Variants in ARHGEF26 observed in about 807,000 individuals in gnomAD.
The protein encoded by ARHGEF26 is Rho guanine nucleotide exchange factor (GEF) 26.
ARHGEF26 carries 59 observed loss-of-function variants against 89.4 expected under a neutral mutation model. The observed-to-expected ratio is 0.66, with a 90% CI of 0.54 to 0.82. The LOEUF is 0.82. ARHGEF26 is among the 40% of genes least tolerant of loss of function. The pLI is 0.00. For synonymous variants in ARHGEF26, 500 were observed against 428.4 expected, an observed-to-expected ratio of 1.17 and a Z score of -2.06; for missense variants, 1,234 against 1,085.6, an observed-to-expected ratio of 1.14 and a Z score of -1.92.
chr3:154,127,600 ATTTTT>A (rs59102588), intron 3 of ARHGEF26, among the ~76,000 whole-genome samples: 9 of 139,746 alleles, frequency 6.4e-5, no homozygotes, highest in Non-Finnish European at 1.2e-4. Flanking sequence ...ACAGTTAACT[ATTTTT>A]TTTTTTTTTT....
intron 6 of ARHGEF26, among the ~76,000 whole-genome samples, chr3:154,153,158 C>T (rs913753610): frequency 1.3e-5 from 2 of 152,024 alleles, no homozygotes; most frequent in South Asian, 2.1e-4. Context: ...TTATGTTATT[C>T]CTCTTTCCCC....
chr3:154,208,886 C>T (rs932284691), intron 9 of ARHGEF26, among the ~76,000 whole-genome samples: 2 of 151,766 alleles, frequency 1.3e-5, no homozygotes, highest in Non-Finnish European at 2.9e-5. Context: ...ATGCCTCAGC[C>T]TCCCAGGTAG....
intron 9 of ARHGEF26, among the ~76,000 whole-genome samples, chr3:154,197,195 A>G (rs1411453660): frequency 6.6e-6 from 1 of 152,164 alleles, no homozygotes; most frequent in South Asian, 2.1e-4. Flanking sequence ...CTTTCTCTCT[A>G]TTGAGCATGA....
intron 6 of ARHGEF26, among the ~76,000 whole-genome samples, chr3:154,171,590 T>A (rs976556100): frequency 2.0e-5 from 3 of 152,194 alleles, no homozygotes; most frequent in Admixed American, 2.0e-4. Flanking sequence ...TTTTGCCTTT[T>A]CTAATGCTGT....
intron 4 of ARHGEF26, among the ~76,000 whole-genome samples, chr3:154,147,967 C>T (rs1719797827): frequency 6.6e-6 from 1 of 152,186 alleles, no homozygotes; most frequent in African/African-American, 2.4e-5. Flanking sequence ...CCACCTTGAT[C>T]AGTCTCTGAA....
intron 5 of ARHGEF26, among the ~76,000 whole-genome samples, chr3:154,152,053 T>A (rs899627922): frequency 2.6e-5 from 4 of 152,200 alleles, no homozygotes; most frequent in Admixed American, 2.6e-4. Context: ...TTAACAGTTA[T>A]CAGGAAAACC....
chr3:154,217,955 T>G lies in ARHGEF26; in HGVS notation c.1932T>G (p.Ile644Met), dbSNP rs750943264. The change falls in exon 10 of 15, where the codon ATT becomes ATG. Residue 644 changes from isoleucine (I) to methionine (M), a missense_variant. Physicochemically the swap from Ile to Met is conservative, Grantham distance 10 (BLOSUM62 1). Transcript: ENST00000465093. ...YTINSQLEFK[I>M]KPFPLVSSSR... ...TTAACTCCCAGCTGGAATTTAAAAT[T>G]AAGGTATTCTCGTACCTTGTTCATT... 1 of 1,581,668 alleles carries G rather than the reference T, an allele frequency of 6.3e-7. No individual in the cohort carries two copies. The highest frequency in any genetic ancestry group is 8.6e-7 in the Non-Finnish European group (1 of 1,162,586).
Position 154,232,890 on chromosome 3 carries a change from T to A in ARHGEF26, c.2090+6880T>A, listed in dbSNP as rs1353944302. Among the ~76,000 whole-genome samples the A allele has an allele frequency of 3.3e-5, 5 of 151,936 alleles. No homozygotes were observed. The South Asian group carries it at 1.0e-3, about 32-fold the overall frequency. On this transcript the variant is annotated intron_variant, in intron 11 of 14. Transcript: ENST00000465093. ...TCACCCAGGCTGGAGTGCAGTGGCA[T>A]GATCTCGGCTCACTGCAACCTCCAA...
intron 13 of ARHGEF26, among the ~76,000 whole-genome samples, chr3:154,253,985 A>G (rs813401): frequency 6.6e-6 from 1 of 152,294 alleles, no homozygotes; most frequent in South Asian, 2.1e-4. Context: ...GTGCTATCTC[A>G]GCTCACTGCA....
intron 1 of ARHGEF26, among the ~76,000 whole-genome samples, 189 bp from the exon 2 acceptor site, chr3:154,121,753 C>A (rs544423824): frequency 1.3e-5 from 2 of 152,180 alleles, no homozygotes; most frequent in Non-Finnish European, 2.9e-5. Context: ...TCCGCCTGGG[C>A]GGCAGCCCAG....
At chr3:154,175,134 C>A (rs1444501672) in intron 6 of ARHGEF26, among the ~76,000 whole-genome samples, 1 of 152,158 alleles carries the variant, frequency 6.6e-6, no homozygotes, top group African/African-American at 2.4e-5. Flanking sequence ...TTTTGAAAGT[C>A]TAAGAAAATG....
chr3:154,235,403 G>T (rs1576813203), intron 11 of ARHGEF26, among the ~76,000 whole-genome samples: 1 of 151,864 alleles, frequency 6.6e-6, no homozygotes, highest in African/African-American at 2.4e-5. Context: ...ATTCTAACTG[G>T]GTGTTATTCA....
At chr3:154,124,372 C>CTTTTTTTTTTTTTTTTTTTTTCTT in intron 2 of ARHGEF26, 38 bp from the exon 3 acceptor site, 1 of 1,007,768 alleles carries the variant, frequency 9.9e-7, no homozygotes, top group Non-Finnish European at 1.3e-6. Flanking sequence ...TTTGCTTTTC[C>CTTTTTTTTTTTTTTTTTTTTTCTT]TTTTTTTTTT....
intron 6 of ARHGEF26, among the ~76,000 whole-genome samples, chr3:154,157,695 CT>C (rs1204397135): frequency 6.6e-6 from 1 of 151,934 alleles, no homozygotes; most frequent in African/African-American, 2.4e-5. Context: ...CGGGGTCCTC[CT>C]AGGTTTGCCT....
intron 6 of ARHGEF26, among the ~76,000 whole-genome samples, chr3:154,159,788 A>G (rs560108920): frequency 1.4e-4 from 21 of 152,290 alleles, no homozygotes; most frequent in African/African-American, 3.8e-4. Context: ...AAAGTCTTTT[A>G]TAGTATGAAT....
In ARHGEF26 at chr3:154,122,976, C is replaced by T. The variant is rs1377719546; in HGVS notation, c.984C>T (p.Asp328=). 4 of 1,613,770 alleles carry T rather than the reference C, an allele frequency of 2.5e-6. No homozygotes were observed. Among genetic ancestry groups the T allele is most frequent in the Admixed American group, 1.7e-5 (1 of 59,982 alleles). ...CAGTGGTCAGTGGCTTTGATTTTGA[C>T]AGTCCTACCAGCTCGAAGAAGAAGA... ...RRAVVSGFDF[D]SPTSSKKKNR... The change falls in exon 2 of 15, where the codon GAC becomes GAT. Residue 328 remains aspartate (D), a synonymous_variant. Transcript: ENST00000465093.
In ARHGEF26 at chr3:154,256,878, GAGAA is replaced by G. The variant is rs1408833702; in HGVS notation, c.*1408_*1411del. ...TACTTTTTCCACTAGTGCACAGAGA[GAGAA>G]AGGTTATCTTAATAGTCGGTTTCAT... On this transcript the variant is annotated 3_prime_UTR_variant, in exon 15 of 15. Coordinates refer to ENST00000465093, the MANE Select transcript of ARHGEF26 (RefSeq NM_015595.4). 2 of 1,535,038 alleles carry G rather than the reference GAGAA, an allele frequency of 1.3e-6. No individual in the cohort carries two copies. The highest frequency in any genetic ancestry group is 1.7e-6 in the Non-Finnish European group (2 of 1,146,670).
At chr3:154,226,100 C>A in intron 11 of ARHGEF26, 90 bp downstream of exon 11, 1 of 1,162,050 alleles carries the variant, frequency 8.6e-7, no homozygotes, top group Non-Finnish European at 1.2e-6. Context: ...CCTTTAAAAG[C>A]TAGAAATGTT....
chr3:154,239,953 G>A lies in ARHGEF26; in HGVS notation c.2091-417G>A, dbSNP rs536308126. On this transcript the variant is annotated intron_variant, in intron 11 of 14. Coordinates refer to ENST00000465093, the MANE Select transcript of ARHGEF26 (RefSeq NM_015595.4). ...TCTCTTCAATGCATGGTCATTTGGA[G>A]ATGGGGGGTTTGGGGGGTGAGGTCT... 6.8e-4 allele frequency among the ~76,000 whole-genome samples: 103 copies of A among 152,166 alleles called. 3 individuals carry two copies. Among genetic ancestry groups the A allele is most frequent in the Admixed American group, 5.8e-3 (89 of 15,280 alleles).
Sources: gnomAD v4.1 joint callset for allele counts (sites outside exome capture counted in the v4.1 genomes callset) on GRCh38, gnomAD v4.1.1 for gene constraint, MANE v1.5 for transcripts, NCBI Gene and HGNC (gene_info 2026-07-23, HGNC 2026-07-21) for gene names.